The following PAQR5 variants were observed in gnomAD, a reference collection of about 807,000 sequenced individuals.
PAQR5 encodes the protein membrane progestin receptor gamma.
PAQR5 carries 20 observed loss-of-function variants against 34.5 expected under a neutral mutation model. The ratio of observed to expected loss-of-function variants is 0.58; its 90% CI spans 0.41 to 0.84. PAQR5 has a LOEUF of 0.84. Ranked by LOEUF, PAQR5 falls within the 40% of genes least tolerant of loss-of-function variation. PAQR5 has a pLI of 0.00. For missense variants in PAQR5, 378 were observed against 412.7 expected (o/e 0.92, Z 0.73); for synonymous variants, 131 against 155.6 (o/e 0.84, Z 1.18).
At chr15:69,318,005 G>A (rs1021672120) in intron 1 of PAQR5, among the ~76,000 whole-genome samples, 10 of 152,210 alleles carry the variant, frequency 6.6e-5, no homozygotes, top group Admixed American at 2.6e-4. Flanking sequence ...CCATCCTTGC[G>A]CAGGGTTTCT....
intron 1 of PAQR5, among the ~76,000 whole-genome samples, chr15:69,319,901 C>T (rs542017054): frequency 4.4e-4 from 67 of 152,326 alleles, no homozygotes; most frequent in African/African-American, 1.5e-3. Context: ...CACTCACCCT[C>T]GCCCCACGTC....
At chr15:69,397,382 G>A (rs2056473701) in intron 6 of PAQR5, 86 bp from the exon 7 acceptor site, 2 of 871,178 alleles carry the variant, frequency 2.3e-6, no homozygotes, top group Admixed American at 1.7e-5. Flanking sequence ...TTGATGACCA[G>A]GCCCTCGGTG....
intron 3 of PAQR5, among the ~76,000 whole-genome samples, chr15:69,373,837 C>G: frequency 6.6e-6 from 1 of 152,190 alleles, no homozygotes; most frequent in Non-Finnish European, 1.5e-5. Context: ...CTCCTGACCT[C>G]AAGTGATCTG....
intron 1 of PAQR5, among the ~76,000 whole-genome samples, chr15:69,304,789 G>C (rs1208949170): frequency 1.3e-5 from 2 of 152,158 alleles, no homozygotes; most frequent in African/African-American, 4.8e-5. Context: ...AAGATGGTCA[G>C]GTTCACCTTG....
intron 7 of PAQR5, among the ~76,000 whole-genome samples, chr15:69,398,332 C>T (rs543146609): frequency 1.3e-4 from 20 of 152,268 alleles, no homozygotes; most frequent in South Asian, 1.2e-3. Flanking sequence ...TCAAACCATA[C>T]GGGCTTGAGT....
At chr15:69,334,992 G>A (rs2054478102) in intron 1 of PAQR5, among the ~76,000 whole-genome samples, 1 of 152,054 alleles carries the variant, frequency 6.6e-6, no homozygotes, top group Non-Finnish European at 1.5e-5. Context: ...GGAGGCTGAG[G>A]AGTGGGGATC....
chr15:69,300,159 G>C (rs1335594817), intron 1 of PAQR5, among the ~76,000 whole-genome samples: 1 of 152,034 alleles, frequency 6.6e-6, no homozygotes, highest in Non-Finnish European at 1.5e-5. Context: ...CACCCCCCTA[G>C]GTTCTGCCTG....
chr15:69,301,219 G>C (rs2053598928), intron 1 of PAQR5, among the ~76,000 whole-genome samples: 1 of 151,940 alleles, frequency 6.6e-6, no homozygotes. Context: ...GGCCAGGTTG[G>C]TCTCGAACTG....
chr15:69,339,873 C>CT (rs1475026945), intron 2 of PAQR5, among the ~76,000 whole-genome samples: 7 of 151,460 alleles, frequency 4.6e-5, no homozygotes, highest in Non-Finnish European at 5.9e-5. Flanking sequence ...ACATTAACAC[C>CT]TTTTTTTTGG....
At chr15:69,343,770 T>C (rs2054698487) in intron 2 of PAQR5, among the ~76,000 whole-genome samples, 1 of 152,214 alleles carries the variant, frequency 6.6e-6, no homozygotes. Context: ...TTCCAGCTGA[T>C]AGATAGTGTC....
intron 2 of PAQR5, among the ~76,000 whole-genome samples, chr15:69,348,094 C>A (rs1178400951): frequency 6.6e-6 from 1 of 151,026 alleles, no homozygotes; most frequent in Non-Finnish European, 1.5e-5. Context: ...CCTCCACAGA[C>A]CTTCAGGCAA....
rs2055592600 is a variant in PAQR5, at chr15:69,372,533, ACT to A, written c.52-7347_52-7346del. Among the ~76,000 whole-genome samples the A allele has an allele frequency of 1.3e-5, 2 of 152,154 alleles. 1 individual carries two copies. The highest frequency in any genetic ancestry group is 4.1e-4 in the South Asian group (2 of 4,826). On this transcript the variant is annotated intron_variant, in intron 3 of 8. Coordinates refer to ENST00000395407, the MANE Select transcript of PAQR5 (RefSeq NM_017705.4). ...ACTCCACCCTGGGTGACAGAGTGAG[ACT>A]CTGTCTCAAACAAAACAAAACAAAA... is the stretch of plus-strand genomic sequence containing the variant.
In PAQR5 at chr15:69,386,592, C is replaced by A. The variant is rs191427087; in HGVS notation, c.385+1710C>A. On this transcript the variant is annotated intron_variant, in intron 5 of 8. Transcript: ENST00000395407. ...CCCTCCCTCCCTCCCGGATTCCCTC[C>A]CACCCTCCGGATCCCCTCTTACCCT... 2.0e-5 allele frequency among the ~76,000 whole-genome samples: 3 copies of A among 151,852 alleles called. No individual in the cohort carries two copies. In the East Asian group the frequency reaches 5.9e-4, roughly 30 times the overall value.
intron 3 of PAQR5, among the ~76,000 whole-genome samples, chr15:69,365,176 G>A (rs1022817106): frequency 2.6e-5 from 4 of 151,154 alleles, no homozygotes; most frequent in African/African-American, 7.3e-5. Context: ...GCGCAATCTC[G>A]GCTCACCGCA....
chr15:69,305,102 CTG>C (rs1281807211), intron 1 of PAQR5, among the ~76,000 whole-genome samples: 1 of 152,170 alleles, frequency 6.6e-6, no homozygotes, highest in East Asian at 1.9e-4. Context: ...CCGGATAATT[CTG>C]TGTTTGTGGT....
intron 6 of PAQR5, 77 bp downstream of exon 6, chr15:69,389,857 G>C: frequency 6.5e-7 from 1 of 1,531,856 alleles, no homozygotes; most frequent in South Asian, 1.2e-5. Flanking sequence ...TGAGGGAGCC[G>C]GGGAAGAGGT....
chr15:69,339,905 T>A (rs2054601295), intron 2 of PAQR5, among the ~76,000 whole-genome samples: 1 of 152,016 alleles, frequency 6.6e-6, no homozygotes, highest in Admixed American at 6.5e-5. Context: ...TTGCTCTTGT[T>A]GCCCAGGCTG....
intron 3 of PAQR5, among the ~76,000 whole-genome samples, chr15:69,369,282 T>C (rs2055489069): frequency 6.6e-6 from 1 of 152,218 alleles, no homozygotes; most frequent in Admixed American, 6.5e-5. Flanking sequence ...ACGCCTGTAA[T>C]CCCAACACTT....
chr15:69,379,552 G>T (rs887082111), intron 3 of PAQR5: 13 of 985,440 alleles, frequency 1.3e-5, no homozygotes, highest in Non-Finnish European at 1.6e-5. Context: ...AAACTGGGCT[G>T]TAGGCCCCAG....
Sources: gnomAD v4.1 joint callset for allele counts (sites outside exome capture counted in the v4.1 genomes callset) on GRCh38, gnomAD v4.1.1 for gene constraint, MANE v1.5 for transcripts, NCBI Gene and HGNC (gene_info 2026-07-23, HGNC 2026-07-21) for gene names.